Variants in GRXCR2 observed in about 807,000 individuals in gnomAD.
The protein encoded by GRXCR2 is glutaredoxin and cysteine rich domain containing 2, also known as glutaredoxin domain-containing cysteine-rich protein 2.
A neutral mutation model predicts 24.8 loss-of-function variants in GRXCR2; 23 were observed. The ratio of observed to expected loss-of-function variants is 0.93; its 90% confidence interval spans 0.67 to 1.32. GRXCR2 has a LOEUF of 1.32. GRXCR2 is among the 40% of genes most tolerant of loss of function. GRXCR2 has a pLI of 0.00. For synonymous variants in GRXCR2, 130 were observed against 116.1 expected (o/e 1.12, Z -0.77); for missense variants, 315 against 303.4 (o/e 1.04, Z -0.28).
At chr5:145,889,172 A>AAAAC (rs757883920) in intron 2 of GRXCR2, among the ~76,000 whole-genome samples, 2 of 83,984 alleles carry the variant, frequency 2.4e-5, no homozygotes, top group African/African-American at 9.4e-5. Flanking sequence ...CTGTCTCAAA[A>AAAAC]AAAGAAAGAA....
At chr5:145,878,303 A>G (rs1365618966) in intron 2 of GRXCR2, among the ~76,000 whole-genome samples, 2 of 152,210 alleles carry the variant, frequency 1.3e-5, no homozygotes, top group African/African-American at 4.8e-5. Flanking sequence ...CCTTGAAAAA[A>G]GGTTAGACGA....
chr5:145,906,984 G>A (rs1757097665), intron 2 of GRXCR2, among the ~76,000 whole-genome samples: 1 of 152,224 alleles, frequency 6.6e-6, no homozygotes, highest in Non-Finnish European at 1.5e-5. Flanking sequence ...GCCTTGTGGA[G>A]AGGAAAAGCT....
chr5:145,865,981 T>TAA lies in GRXCR2; in HGVS notation c.564+518_564+519dup, dbSNP rs56827846. Among the ~76,000 whole-genome samples, 36 of 122,338 alleles carry TAA rather than the reference T, an allele frequency of 2.9e-4. No individual in the cohort carries two copies. In the South Asian group the frequency reaches 4.8e-3, roughly 16 times the overall value. The allele number at this position is 122,338 out of a possible 152,430, so 80.3% of individuals were successfully genotyped here. A position where few individuals can be genotyped will look rare whatever the true frequency, so the allele number is the denominator to read the frequency against. On this transcript the variant is annotated intron_variant, in intron 2 of 2. Transcript: ENST00000377976. ...GGTGAAACCCCATCTCTATTAAAAA[T>TAA]AAAAAAAAATTAGGCATGGTGGTGG... is the stretch of plus-strand genomic sequence containing the variant.
At chr5:145,863,782 C>A (rs145154775) in intron 2 of GRXCR2, among the ~76,000 whole-genome samples, 1 of 152,134 alleles carries the variant, frequency 6.6e-6, no homozygotes, top group East Asian at 1.9e-4. Context: ...CTACCACACC[C>A]GGCCCAGGCT....
intron 2 of GRXCR2, among the ~76,000 whole-genome samples, chr5:145,916,481 T>G (rs1386062234): frequency 6.6e-6 from 1 of 152,178 alleles, no homozygotes; most frequent in Non-Finnish European, 1.5e-5. Flanking sequence ...GGCCCCAGGC[T>G]GAACCCTGAG....
intron 2 of GRXCR2, among the ~76,000 whole-genome samples, chr5:145,914,698 A>G (rs1279456797): frequency 6.6e-6 from 1 of 151,576 alleles, no homozygotes; most frequent in African/African-American, 2.4e-5. Context: ...AAAAAAAAAA[A>G]AAAATCTGAT....
At chr5:145,896,826 C>T (rs1360569112) in intron 2 of GRXCR2, among the ~76,000 whole-genome samples, 1 of 152,094 alleles carries the variant, frequency 6.6e-6, no homozygotes, top group Non-Finnish European at 1.5e-5. Context: ...TATAAAGACA[C>T]ATGCACACGT....
At chr5:145,909,371 G>GTCAAACTT (rs375143569) in intron 2 of GRXCR2, among the ~76,000 whole-genome samples, 1 of 151,578 alleles carries the variant, frequency 6.6e-6, no homozygotes, top group Admixed American at 6.6e-5. Flanking sequence ...AGAAGGATTC[G>GTCAAACTT]TCTATTTTCA....
chr5:145,906,471 A>G (rs960066685), intron 2 of GRXCR2, among the ~76,000 whole-genome samples: 2 of 152,244 alleles, frequency 1.3e-5, no homozygotes, highest in Admixed American at 6.5e-5. Context: ...GAAAGAAATT[A>G]GAGACAGCAG....
intron 2 of GRXCR2, among the ~76,000 whole-genome samples, chr5:145,920,218 T>A (rs953453320): frequency 4.6e-5 from 7 of 152,216 alleles, no homozygotes; most frequent in African/African-American, 1.2e-4. Context: ...GTAACTCACA[T>A]CTGCCTGGTG....
At chr5:145,877,890 A>ACC (rs1756643240), upstream of GRXCR2, among the ~76,000 whole-genome samples, 1 of 152,226 alleles carries the variant, frequency 6.6e-6, no homozygotes, top group Admixed American at 6.5e-5. Flanking sequence ...TGCTGGTGAT[A>ACC]CCCAGGCAAA....
chr5:145,861,017 A>G (rs1447542228), intron 2 of GRXCR2, among the ~76,000 whole-genome samples: 1 of 151,884 alleles, frequency 6.6e-6, no homozygotes, highest in Non-Finnish European at 1.5e-5. Flanking sequence ...CTTATAGACT[A>G]TGAACCTTCC....
At chr5:145,889,204 G>A (rs1248879748) in intron 2 of GRXCR2, among the ~76,000 whole-genome samples, 1 of 148,416 alleles carries the variant, frequency 6.7e-6, no homozygotes, top group Non-Finnish European at 1.5e-5. Context: ...AAGAAAGAAA[G>A]AAAGAAAGAA....
At position 145,861,593 on chromosome 5, in the gene GRXCR2, T is replaced by C. The variant is rs1053965719; in HGVS notation, c.565-1678A>G. On this transcript the variant is annotated intron_variant, in intron 2 of 2. Coordinates refer to ENST00000377976, the MANE Select transcript of GRXCR2 (RefSeq NM_001080516.2). ...CCCATACTCCAGTGAAAGTTCCTGT[T>C]GATTAGACAGGGAGCTCTCTGGACT... Among the ~76,000 whole-genome samples, 3 of 152,272 alleles carry C rather than the reference T, an allele frequency of 2.0e-5. No homozygotes were observed. The East Asian group carries it at 5.8e-4, about 29-fold the overall frequency.
intron 2 of GRXCR2, among the ~76,000 whole-genome samples, chr5:145,860,359 G>C (rs917804919): frequency 6.6e-6 from 1 of 152,152 alleles, no homozygotes; most frequent in African/African-American, 2.4e-5. Context: ...GATAGTGTAA[G>C]TATTATTATC....
intron 2 of GRXCR2, among the ~76,000 whole-genome samples, chr5:145,895,772 A>T (rs1351317222): frequency 2.0e-5 from 3 of 152,190 alleles, no homozygotes; most frequent in South Asian, 2.1e-4. Context: ...ACAGAATTGG[A>T]AAAAACTACT....
chr5:145,927,439 GC>G (rs1436186952), intron 2 of GRXCR2, among the ~76,000 whole-genome samples: 3 of 152,158 alleles, frequency 2.0e-5, no homozygotes, highest in African/African-American at 7.2e-5. Context: ...TTAGCATGAA[GC>G]GTTGTTGAAT....
intron 2 of GRXCR2, among the ~76,000 whole-genome samples, chr5:145,888,200 T>C (rs1756802829): frequency 6.6e-6 from 1 of 152,154 alleles, no homozygotes; most frequent in African/African-American, 2.4e-5. Flanking sequence ...TCAGGCTGCA[T>C]CACGGAATGC....
chr5:145,895,113 T>C (rs1367970312), intron 2 of GRXCR2, among the ~76,000 whole-genome samples: 6 of 152,044 alleles, frequency 3.9e-5, no homozygotes, highest in Non-Finnish European at 8.8e-5. Flanking sequence ...CTCAATAAAT[T>C]AGTTATTGAT....
Sources: gnomAD v4.1 joint callset for allele counts (sites outside exome capture counted in the v4.1 genomes callset) on GRCh38, gnomAD v4.1.1 for gene constraint, MANE v1.5 for transcripts, NCBI Gene and HGNC (gene_info 2026-07-23, HGNC 2026-07-21) for gene names.